The following ABI3BP variants were observed in gnomAD, a reference collection of about 807,000 sequenced individuals.
ABI3BP encodes the protein target of Nesh-SH3.
A neutral mutation model predicts 268.6 loss-of-function variants in ABI3BP; 216 were observed. The ratio of observed to expected loss-of-function variants is 0.80; its 90% CI spans 0.72 to 0.90. ABI3BP has a LOEUF of 0.90. Ranked by LOEUF, ABI3BP falls within the 40% of genes least tolerant of loss-of-function variation. The pLI, the probability that ABI3BP is intolerant of heterozygous loss-of-function variation, is 0.00. For missense variants in ABI3BP, 2,090 were observed against 2,182.4 expected (o/e 0.96, Z 0.84); for synonymous variants, 730 against 730.0 (o/e 1.00, Z 0.00).
chr3:100,843,118 A>G (rs540861263), intron 20 of ABI3BP, among the ~76,000 whole-genome samples: 40 of 152,322 alleles, frequency 2.6e-4, no homozygotes, highest in African/African-American at 8.2e-4. Context: ...GAAAAATATA[A>G]TAACGCAGGT....
At chr3:100,843,827 A>T in intron 20 of ABI3BP, 1 of 985,264 alleles carries the variant, frequency 1.0e-6, no homozygotes, top group Non-Finnish European at 1.2e-6. Flanking sequence ...CATGTTTTTG[A>T]TTCTACAAAG....
chr3:100,773,110 A>C (rs1164446317), intron 61 of ABI3BP, among the ~76,000 whole-genome samples: 3 of 151,788 alleles, frequency 2.0e-5, no homozygotes, highest in Non-Finnish European at 4.4e-5. Flanking sequence ...GAAAAAGAAA[A>C]ACTATTCTGA....
At chr3:100,972,597 T>C (rs887698446) in intron 1 of ABI3BP, among the ~76,000 whole-genome samples, 3 of 152,208 alleles carry the variant, frequency 2.0e-5, no homozygotes, top group Non-Finnish European at 4.4e-5. Flanking sequence ...TTGCTTATGG[T>C]GTTTGAGGCA....
At chr3:100,935,774 CTGTT>C (rs1396897115) in intron 1 of ABI3BP, among the ~76,000 whole-genome samples, 5 of 152,190 alleles carry the variant, frequency 3.3e-5, no homozygotes, top group South Asian at 2.1e-4. Flanking sequence ...ATTTGGCTCT[CTGTT>C]TGTCTGTTTT....
At chr3:100,798,845 A>G (rs1399017110) in intron 51 of ABI3BP, among the ~76,000 whole-genome samples, 1 of 152,204 alleles carries the variant, frequency 6.6e-6, no homozygotes, top group Non-Finnish European at 1.5e-5. Flanking sequence ...AGTAAGACAT[A>G]TAGACTACAT....
intron 1 of ABI3BP, among the ~76,000 whole-genome samples, chr3:100,926,932 G>A (rs1390465004): frequency 6.6e-6 from 1 of 152,124 alleles, no homozygotes; most frequent in Non-Finnish European, 1.5e-5. Context: ...GAAGAAAAAA[G>A]ATTTTTGTCT....
Position 100,770,858 on chromosome 3 carries a change from C to A in ABI3BP, c.4626G>T (p.Gly1542=), listed in dbSNP as rs73861205. The A allele has an allele frequency of 3.4e-4, 541 of 1,604,414 alleles. No homozygotes were observed. The African/African-American group carries it at 6.2e-3, about 18-fold the overall frequency. Residue 1542 remains glycine (G), a synonymous_variant, in exon 62 of 68, where the codon GGG becomes GGT. Coordinates refer to ENST00000471714, the MANE Select transcript of ABI3BP (RefSeq NM_001375547.2). ...KRFPKEEATE[G]NATSPPQNPP... is the part of the protein sequence containing the mutation. ...GGTTCTGTGGTGGGCTGGTGGCATT[C>A]CCCTCTGTGGCCTCCTCTTTGGGGA... is the stretch of plus-strand genomic sequence containing the variant.
intron 2 of ABI3BP, among the ~76,000 whole-genome samples, chr3:100,922,393 T>C (rs1171981934): frequency 6.6e-6 from 1 of 152,142 alleles, no homozygotes; most frequent in Non-Finnish European, 1.5e-5. Context: ...GAAGGTGGAA[T>C]TACAATTGCT....
rs1259247574 is a variant in ABI3BP at position 100,802,839 on chromosome 3, AAC to A, written c.3757+1951_3757+1952del. 1.7e-4 allele frequency among the ~76,000 whole-genome samples: 25 copies of A among 147,740 alleles called. 3 individuals are homozygous for A. Among genetic ancestry groups the A allele is most frequent in the Non-Finnish European group, 3.1e-5 (2 of 65,070 alleles). ...TTCTCCAGGATACTAATATACATTA[AAC>A]TACACATGTCATTTACCCTCTGTTT... On this transcript the variant is annotated intron_variant, in intron 51 of 67. Coordinates refer to ENST00000471714, the MANE Select transcript of ABI3BP (RefSeq NM_001375547.2).
chr3:100,940,842 G>A (rs2068833042), intron 1 of ABI3BP, among the ~76,000 whole-genome samples: 1 of 43,396 alleles, frequency 2.3e-5, no homozygotes, highest in African/African-American at 7.7e-5. Flanking sequence ...GATATGATGA[G>A]TCAGGAATTT....
intron 1 of ABI3BP, among the ~76,000 whole-genome samples, chr3:100,934,125 C>G (rs2064902596): frequency 1.3e-5 from 2 of 151,972 alleles, no homozygotes; most frequent in Non-Finnish European, 2.9e-5. Context: ...AATGCTACCC[C>G]TCCCCTAACC....
At chr3:100,936,323 A>G (rs2066105670) in intron 1 of ABI3BP, among the ~76,000 whole-genome samples, 1 of 152,206 alleles carries the variant, frequency 6.6e-6, no homozygotes, top group South Asian at 2.1e-4. Context: ...CCAGGGATGA[A>G]GCCGACTTGA....
At chr3:100,792,667 T>G in intron 55 of ABI3BP, 24 bp downstream of exon 55, 1 of 1,603,504 alleles carries the variant, frequency 6.2e-7, no homozygotes, top group African/African-American at 1.3e-5. Flanking sequence ...AAAGTTATTC[T>G]CCAGAGGTAG....
chr3:100,875,801 G>T (rs2153276076), intron 7 of ABI3BP, among the ~76,000 whole-genome samples: 1 of 152,224 alleles, frequency 6.6e-6, no homozygotes, highest in South Asian at 2.1e-4. Flanking sequence ...TCTATCATAA[G>T]GTGTTCCATT....
At chr3:100,887,667 G>A (rs2042612321) in intron 4 of ABI3BP, among the ~76,000 whole-genome samples, 1 of 152,048 alleles carries the variant, frequency 6.6e-6, no homozygotes. Flanking sequence ...CAAAAGGTTA[G>A]TACCTTTCCT....
chr3:100,829,731 T>C lies in ABI3BP; in HGVS notation c.2459-67A>G. ...CCGGAAGCTGTGGATAAGATTATAC[T>C]TGTTATAATTTCTTGACTTCCAAGA... On this transcript the variant is annotated intron_variant, in intron 32 of 67. Coordinates refer to ENST00000471714, the MANE Select transcript of ABI3BP (RefSeq NM_001375547.2). The C allele has an allele frequency of 4.9e-6, 6 of 1,227,478 alleles. No individual in the cohort carries two copies. In the Middle Eastern group the frequency reaches 7.5e-4, roughly 153 times the overall value. 76.0% of individuals were successfully genotyped at this position (1,227,478 alleles called of 1,614,324 possible). A position where few individuals can be genotyped will look rare whatever the true frequency, so the allele number is the denominator to read the frequency against.
At chr3:100,755,629 A>C (rs2095574622) in intron 63 of ABI3BP, among the ~76,000 whole-genome samples, 1 of 152,234 alleles carries the variant, frequency 6.6e-6, no homozygotes, top group Non-Finnish European at 1.5e-5. Context: ...TATTCTTCAA[A>C]TTATTGTGCA....
At chr3:100,856,255 C>T (rs1177323434) in intron 14 of ABI3BP, among the ~76,000 whole-genome samples, 2 of 152,208 alleles carry the variant, frequency 1.3e-5, no homozygotes, top group Non-Finnish European at 1.5e-5. Context: ...CAATCTACTA[C>T]TCCTTGGGCA....
intron 43 of ABI3BP, 195 bp downstream of exon 43, chr3:100,816,493 C>G (rs986340553): frequency 1.5e-6 from 1 of 658,920 alleles, no homozygotes; most frequent in African/African-American, 1.8e-5. Flanking sequence ...AGATCAGGCA[C>G]ACAAGTGGCT....
Sources: allele counts gnomAD v4.1 joint callset (sites outside exome capture counted in the v4.1 genomes callset), GRCh38; gene constraint gnomAD v4.1.1; transcripts MANE v1.5; gene names NCBI Gene and HGNC (gene_info 2026-07-23, HGNC 2026-07-21).